Variants in TRPM3 observed in about 807,000 individuals in gnomAD.
TRPM3 encodes the protein long transient receptor potential channel 3.
A neutral mutation model predicts 181.2 loss-of-function variants in TRPM3; 77 were observed. The observed-to-expected ratio is 0.42, with a 90% CI of 0.35 to 0.51. The LOEUF is 0.51. Among genes scored for constraint, TRPM3 ranks in the 20% least tolerant of loss-of-function variants. The pLI is 0.01. For missense variants in TRPM3, 1,759 were observed against 2,196.7 expected (o/e 0.80, Z 3.98); for synonymous variants, 745 against 796.4 (o/e 0.94, Z 1.09).
chr9:71,117,338 C>G (rs755002876), intron 1 of TRPM3, among the ~76,000 whole-genome samples: 4 of 152,174 alleles, frequency 2.6e-5, no homozygotes, highest in Non-Finnish European at 5.9e-5. Flanking sequence ...AATGCTGTAG[C>G]TTAGCAGACA....
intron 1 of TRPM3, among the ~76,000 whole-genome samples, chr9:70,979,097 T>C (rs2097336624): frequency 6.6e-6 from 1 of 152,170 alleles, no homozygotes; most frequent in Non-Finnish European, 1.5e-5. Context: ...TGTGTACTGC[T>C]TCGTGATCCT....
intron 1 of TRPM3, among the ~76,000 whole-genome samples, chr9:71,039,234 T>C (rs375383021): frequency 1.2e-3 from 189 of 152,288 alleles, no homozygotes; most frequent in African/African-American, 3.6e-3. Context: ...GCTTCAGTCT[T>C]GAGCAAAGCT....
At chr9:71,062,120 AT>A (rs2061402434) in intron 1 of TRPM3, among the ~76,000 whole-genome samples, 1 of 152,076 alleles carries the variant, frequency 6.6e-6, no homozygotes, top group South Asian at 2.1e-4. Context: ...GGTAATAAAA[AT>A]TTAAAGATAT....
At chr9:71,430,780 C>T (rs1563923750) in intron 1 of TRPM3, among the ~76,000 whole-genome samples, 1 of 152,026 alleles carries the variant, frequency 6.6e-6, no homozygotes. Context: ...CACTGCACTC[C>T]AACCTGGGTG....
chr9:71,012,503 G>A (rs770176249), intron 1 of TRPM3, among the ~76,000 whole-genome samples: 2 of 150,222 alleles, frequency 1.3e-5, no homozygotes, highest in Non-Finnish European at 3.0e-5. Flanking sequence ...TTTTCCATGT[G>A]AACTTTACAG....
chr9:70,960,123 CTT>C (rs56670058), intron 1 of TRPM3, among the ~76,000 whole-genome samples: 64 of 141,564 alleles, frequency 4.5e-4, no homozygotes, highest in Non-Finnish European at 4.4e-4. Flanking sequence ...AACTCTCGTT[CTT>C]TTTTTTTTTT....
chr9:71,310,945 A>C (rs1383443594), intron 1 of TRPM3, among the ~76,000 whole-genome samples: 2 of 152,258 alleles, frequency 1.3e-5, no homozygotes, highest in South Asian at 4.1e-4. Context: ...TTTTAACCTG[A>C]TACTGAGTTG....
intron 6 of TRPM3, chr9:70,809,953 T>C (rs756104909): frequency 1.3e-5 from 7 of 534,498 alleles, no homozygotes; most frequent in Non-Finnish European, 1.5e-5. Context: ...CATTTGATGA[T>C]GGTGCAATGA....
At chr9:71,092,325 T>C (rs1023712718) in intron 1 of TRPM3, among the ~76,000 whole-genome samples, 23 of 152,280 alleles carry the variant, frequency 1.5e-4, no homozygotes, top group African/African-American at 5.5e-4. Context: ...CTGAATAAAG[T>C]TTTTAAAACT....
At chr9:70,683,482 T>G (rs1414155569) in intron 8 of TRPM3, among the ~76,000 whole-genome samples, 1 of 144,296 alleles carries the variant, frequency 6.9e-6, no homozygotes, top group East Asian at 2.0e-4. Flanking sequence ...TTCATTATGT[T>G]GCCCAGGCTG....
At chr9:70,968,964 T>C (rs2097211617) in intron 1 of TRPM3, among the ~76,000 whole-genome samples, 1 of 152,104 alleles carries the variant, frequency 6.6e-6, no homozygotes, top group African/African-American at 2.4e-5. Context: ...AAAGACTTCA[T>C]GTCTAAAACA....
At chr9:70,779,420 G>A (rs572015392) in intron 7 of TRPM3, among the ~76,000 whole-genome samples, 25 of 152,142 alleles carry the variant, frequency 1.6e-4, no homozygotes, top group Non-Finnish European at 2.6e-4. Flanking sequence ...TTGGATGAAC[G>A]AGGAGCACCA....
At chr9:70,668,150 C>A (rs565359145) in intron 9 of TRPM3, among the ~76,000 whole-genome samples, 4 of 152,158 alleles carry the variant, frequency 2.6e-5, no homozygotes, top group Non-Finnish European at 4.4e-5. Flanking sequence ...TGGTCCTTAA[C>A]AGTCGATCAT....
chr9:71,238,064 C>T (rs528076037), intron 1 of TRPM3, among the ~76,000 whole-genome samples: 1 of 152,272 alleles, frequency 6.6e-6, no homozygotes, highest in South Asian at 2.1e-4. Context: ...TTGTTCACTA[C>T]AATGAAGAAT....
chr9:70,672,853 C>T (rs115001256), intron 9 of TRPM3, among the ~76,000 whole-genome samples: 1 of 152,176 alleles, frequency 6.6e-6, no homozygotes, highest in African/African-American at 2.4e-5. Context: ...CTCACTAAAA[C>T]ATTGTGTGTG....
chr9:70,643,807 A>G (rs1424759189), intron 9 of TRPM3, among the ~76,000 whole-genome samples: 1 of 152,242 alleles, frequency 6.6e-6, no homozygotes, highest in African/African-American at 2.4e-5. Flanking sequence ...GGTTTTTAAA[A>G]GTTCCCCAAT....
At chr9:71,256,668 C>T (rs748869734) in intron 1 of TRPM3, among the ~76,000 whole-genome samples, 52 of 152,094 alleles carry the variant, frequency 3.4e-4, no homozygotes, top group Non-Finnish European at 6.5e-4. Flanking sequence ...AGAGCCATGA[C>T]CGTATGCCTG....
intron 1 of TRPM3, among the ~76,000 whole-genome samples, chr9:71,399,005 TA>T (rs1159974592): frequency 2.0e-5 from 3 of 152,282 alleles, no homozygotes; most frequent in Non-Finnish European, 2.9e-5. Flanking sequence ...GCCCATAATT[TA>T]GCCTTAAATA....
At chr9:70,604,923 A>C (rs1352461362) in intron 19 of TRPM3, among the ~76,000 whole-genome samples, 1 of 143,332 alleles carries the variant, frequency 7.0e-6, no homozygotes. Flanking sequence ...AAATGCTGGG[A>C]TTATAGGCAT....
Sources: allele counts gnomAD v4.1 joint callset (sites outside exome capture counted in the v4.1 genomes callset), GRCh38; gene constraint gnomAD v4.1.1; transcripts MANE v1.5; gene names NCBI Gene and HGNC (gene_info 2026-07-23, HGNC 2026-07-21).